The following FBLN5 variants were observed in gnomAD, a reference collection of about 807,000 sequenced individuals.
FBLN5 encodes fibulin-5.
A neutral mutation model predicts 61.6 loss-of-function variants in FBLN5; 24 were observed. The observed-to-expected ratio is 0.39, with a 90% CI of 0.28 to 0.55. The LOEUF is 0.55. FBLN5 is among the 20% of genes least tolerant of loss of function. FBLN5 has a pLI of 0.65. For missense variants in FBLN5, 470 were observed against 594.1 expected, an observed-to-expected ratio of 0.79 and a Z score of 2.17; for synonymous variants, 213 against 219.8, an observed-to-expected ratio of 0.97 and a Z score of 0.27.
At position 91,870,201 on chromosome 14, in the gene FBLN5, C is replaced by T. The variant is rs760944076; in HGVS notation, c.*23G>A. 1.1e-5 allele frequency: 18 copies of T among 1,611,758 alleles called. No homozygotes were observed. The highest frequency in any genetic ancestry group is 2.2e-5 in the East Asian group (1 of 44,878). On this transcript the variant is annotated 3_prime_UTR_variant, in exon 11 of 11. Coordinates refer to ENST00000342058, the MANE Select transcript of FBLN5 (RefSeq NM_006329.4). The stretch of plus-strand genomic sequence containing the variant: ...GTCCCTTGGTGCCAATGAGAGGCAG[C>T]GTCGGAGGCTCCAGCCCGAGGCTCA...
chr14:91,888,127 C>G (rs933119647), intron 6 of FBLN5, among the ~76,000 whole-genome samples: 2 of 151,408 alleles, frequency 1.3e-5, no homozygotes, highest in Non-Finnish European at 2.9e-5. Flanking sequence ...AGTGGGACCC[C>G]ATCTCTTCAA....
chr14:91,869,891 A>G lies in FBLN5; in HGVS notation c.*333T>C, dbSNP rs1254978457. ...AGCAAGCTGTTCACAGTCTTTGAAC[A>G]TAGACTCAGACCCCCGCAAACCTAA... On this transcript the variant is annotated 3_prime_UTR_variant, in exon 11 of 11. Coordinates refer to ENST00000342058, the MANE Select transcript of FBLN5 (RefSeq NM_006329.4). 1.3e-4 allele frequency: 48 copies of G among 361,920 alleles called. 1 individual carries two copies. The highest frequency in any genetic ancestry group is 1.2e-3 in the Admixed American group (33 of 26,522). The allele number at this position is 361,920 out of a possible 1,614,324, so 22.4% of individuals were successfully genotyped here. A position where few individuals can be genotyped will look rare whatever the true frequency, so the allele number is the denominator to read the frequency against.
At chr14:91,893,093 C>A (rs1484801066) in intron 5 of FBLN5, among the ~76,000 whole-genome samples, 2 of 152,134 alleles carry the variant, frequency 1.3e-5, no homozygotes, top group South Asian at 2.1e-4. Flanking sequence ...CACTCCAGCG[C>A]CCCTTGTGGT....
intron 9 of FBLN5, among the ~76,000 whole-genome samples, chr14:91,880,202 T>C (rs1037434346): frequency 1.6e-4 from 24 of 152,044 alleles, no homozygotes; most frequent in Admixed American, 5.2e-4. Flanking sequence ...TACTCAACTC[T>C]CCAGCACCTC....
Position 91,891,344 on chromosome 14 carries a change from A to G in FBLN5, c.503-7T>C, listed in dbSNP as rs1220632476. ...TAGCGACATTCATCAATGTCTGGAA[A>G]CAGAAATGCAAGCAAAGTGAGACAG... On this transcript the variant is annotated splice_region_variant and splice_polypyrimidine_tract_variant and intron_variant, in intron 5 of 10. Coordinates refer to ENST00000342058, the MANE Select transcript of FBLN5 (RefSeq NM_006329.4). 1 of 1,586,022 alleles carries G rather than the reference A, an allele frequency of 6.3e-7. No homozygotes were observed.
At chr14:91,926,045 A>G (rs1410176212) in intron 4 of FBLN5, among the ~76,000 whole-genome samples, 1 of 152,150 alleles carries the variant, frequency 6.6e-6, no homozygotes, top group Non-Finnish European at 1.5e-5. Flanking sequence ...TCCGCCATTC[A>G]TTCATTCAAA....
intron 4 of FBLN5, among the ~76,000 whole-genome samples, chr14:91,902,984 G>GT (rs1890522605): frequency 6.6e-6 from 1 of 152,120 alleles, no homozygotes; most frequent in Non-Finnish European, 1.5e-5. Flanking sequence ...ACTATGCTCA[G>GT]TACCTGGGTA....
intron 4 of FBLN5, among the ~76,000 whole-genome samples, chr14:91,908,084 C>T (rs542273972): frequency 3.3e-5 from 5 of 152,276 alleles, no homozygotes; most frequent in African/African-American, 1.2e-4. Flanking sequence ...TTAATAAATG[C>T]TTTTCCAATC....
chr14:91,904,067 G>T (rs982553708), intron 4 of FBLN5, among the ~76,000 whole-genome samples: 2 of 152,178 alleles, frequency 1.3e-5, no homozygotes, highest in African/African-American at 4.8e-5. Context: ...TATGGGCAAA[G>T]CACATCTAGT....
chr14:91,881,384 G>A lies in FBLN5; in HGVS notation c.897C>T (p.Cys299=), dbSNP rs1243767250. 1.9e-6 allele frequency: 3 copies of A among 1,614,130 alleles called. No homozygotes were observed. The highest frequency in any genetic ancestry group is 1.3e-5 in the African/African-American group (1 of 75,056). ...INECEHRNHT[C]NLQQTCYNLQ... ...AATTGTAGCACGTCTGCTGCAGGTT[G>A]CACGTGTGGTTCCTGTGCTCACATT... Residue 299 remains cysteine, a synonymous_variant, in exon 9 of 11, where the codon TGC becomes TGT. Coordinates refer to ENST00000342058, the MANE Select transcript of FBLN5 (RefSeq NM_006329.4).
At chr14:91,912,284 G>C (rs1230837136) in intron 4 of FBLN5, among the ~76,000 whole-genome samples, 4 of 152,154 alleles carry the variant, frequency 2.6e-5, no homozygotes, top group Non-Finnish European at 4.4e-5. Flanking sequence ...ATCACGTGAG[G>C]CCAGGAGTTA....
rs140804841 is a variant in FBLN5 at position 91,927,524 on chromosome 14, C to A, written c.379+9423G>T. On this transcript the variant is annotated intron_variant, in intron 4 of 10. Transcript: ENST00000342058. The stretch of plus-strand genomic sequence containing the variant: ...ATTTTGAAAAGAAATCTAAAACTAG[C>A]CTTGACAACAAAAGAGATGGTGTGA... 6.7e-3 allele frequency among the ~76,000 whole-genome samples: 1,016 copies of A among 152,348 alleles called. 11 individuals carry two copies. The highest frequency in any genetic ancestry group is 0.022 in the African/African-American group (918 of 41,580).
At chr14:91,933,457 G>C (rs1308766229) in intron 4 of FBLN5, among the ~76,000 whole-genome samples, 1 of 151,772 alleles carries the variant, frequency 6.6e-6, no homozygotes, top group African/African-American at 2.4e-5. Context: ...GTATTTTTAG[G>C]GGGTTTCATC....
At chr14:91,876,594 AG>A (rs1234047642) in intron 10 of FBLN5, among the ~76,000 whole-genome samples, 1 of 152,178 alleles carries the variant, frequency 6.6e-6, no homozygotes, top group Non-Finnish European at 1.5e-5. Flanking sequence ...ATACACACAG[AG>A]GAGGAAGAGG....
chr14:91,942,852 C>T, intron 2 of FBLN5, 55 bp downstream of exon 2: 2 of 1,194,394 alleles, frequency 1.7e-6, no homozygotes, highest in South Asian at 2.6e-5. Flanking sequence ...GGCTGGACTC[C>T]CTCACCCCGG....
intron 9 of FBLN5, among the ~76,000 whole-genome samples, chr14:91,879,600 C>T (rs779400090): frequency 2.0e-5 from 3 of 152,216 alleles, no homozygotes; most frequent in Non-Finnish European, 4.4e-5. Flanking sequence ...CAGAGAGAAC[C>T]AGGAATAGAA....
intron 5 of FBLN5, among the ~76,000 whole-genome samples, chr14:91,891,837 T>A (rs1278135616): frequency 6.6e-6 from 1 of 152,138 alleles, no homozygotes; most frequent in African/African-American, 2.4e-5. Flanking sequence ...ATCACTCCAA[T>A]AGGCTCCTTG....
intron 4 of FBLN5, among the ~76,000 whole-genome samples, chr14:91,910,704 A>T (rs986820501): frequency 6.6e-6 from 1 of 152,206 alleles, no homozygotes; most frequent in Non-Finnish European, 1.5e-5. Flanking sequence ...CCACCCCAAC[A>T]GCCCACATCT....
intron 4 of FBLN5, among the ~76,000 whole-genome samples, chr14:91,917,541 G>A (rs1010874883): frequency 1.8e-4 from 24 of 129,906 alleles, no homozygotes; most frequent in East Asian, 1.6e-3. Flanking sequence ...AAGCCACTGC[G>A]CTCCAGCCTG....
Sources: allele counts gnomAD v4.1 joint callset (sites outside exome capture counted in the v4.1 genomes callset), GRCh38; gene constraint gnomAD v4.1.1; transcripts MANE v1.5; gene names NCBI Gene and HGNC (gene_info 2026-07-23, HGNC 2026-07-21).